The following YY1 variants were observed in gnomAD, a reference collection of about 807,000 sequenced individuals.
YY1 encodes the protein transcriptional repressor protein YY1.
A neutral mutation model predicts 35.6 loss-of-function variants in YY1; 2 were observed. The ratio of observed to expected loss-of-function variants is 0.06; its 90% CI spans 0.02 to 0.18. YY1 has a LOEUF of 0.18. Among genes scored for constraint, YY1 ranks in the 10% least tolerant of loss-of-function variants. YY1 has a pLI of 1.00. For synonymous variants in YY1, 268 were observed against 238.9 expected (o/e 1.12, Z -1.12); for missense variants, 322 against 573.4 (o/e 0.56, Z 4.48).
At chr14:100,272,859 C>G (rs1462092910) in intron 2 of YY1, among the ~76,000 whole-genome samples, 2 of 151,938 alleles carry the variant, frequency 1.3e-5, no homozygotes, top group East Asian at 1.9e-4. Flanking sequence ...ATCCTCATAG[C>G]TTAGTTCCCA....
intron 1 of YY1, among the ~76,000 whole-genome samples, chr14:100,251,899 A>G (rs897441529): frequency 1.2e-4 from 18 of 152,136 alleles, no homozygotes; most frequent in African/African-American, 1.9e-4. Context: ...AAGTGCTGGG[A>G]TTACAGGTGT....
chr14:100,255,875 A>G (rs530379097), intron 1 of YY1, among the ~76,000 whole-genome samples: 22 of 152,252 alleles, frequency 1.4e-4, no homozygotes, highest in African/African-American at 4.8e-4. Flanking sequence ...AGTCTTCCTC[A>G]TTCTCTTAAT....
chr14:100,271,173 G>A (rs1891232856), intron 2 of YY1, among the ~76,000 whole-genome samples: 1 of 152,108 alleles, frequency 6.6e-6, no homozygotes, highest in Non-Finnish European at 1.5e-5. Context: ...CATGAACCTG[G>A]GAGGCAGAGC....
chr14:100,264,576 G>GC (rs1325623445), intron 2 of YY1, among the ~76,000 whole-genome samples: 1 of 152,198 alleles, frequency 6.6e-6, no homozygotes, highest in African/African-American at 2.4e-5. Flanking sequence ...TAAGGGCGAT[G>GC]AATCCTAGGC....
intron 1 of YY1, among the ~76,000 whole-genome samples, chr14:100,261,613 A>G (rs181357520): frequency 1.2e-4 from 19 of 152,344 alleles, no homozygotes; most frequent in East Asian, 1.2e-3. Context: ...GAGGATGACA[A>G]AAATCACACA....
Position 100,282,751 on chromosome 14 carries a change from G to A in YY1, c.*5151G>A, listed in dbSNP as rs1595339147. 6.6e-6 allele frequency: 1 copy of A among 152,170 alleles called. No homozygotes were observed. Among genetic ancestry groups the A allele is most frequent in the Admixed American group, 6.5e-5 (1 of 15,272 alleles). The allele number at this position is 152,170 out of a possible 1,614,324, so 9.4% of individuals were successfully genotyped here. A position where few individuals can be genotyped will look rare whatever the true frequency, so the allele number is the denominator to read the frequency against. Reference sequence around the variant, plus strand: ...TGAAGCACCAAGCATGTGTAATATGGCTCTATACAATATAATAAATGCATA... The same window carrying A: ...TGAAGCACCAAGCATGTGTAATATGACTCTATACAATATAATAAATGCATA... On this transcript the variant is annotated 3_prime_UTR_variant, in exon 5 of 5. Coordinates refer to ENST00000262238, the MANE Select transcript of YY1 (RefSeq NM_003403.5).
intron 2 of YY1, among the ~76,000 whole-genome samples, chr14:100,268,458 C>A (rs1052284662): frequency 6.6e-6 from 1 of 152,142 alleles, no homozygotes; most frequent in African/African-American, 2.4e-5. Flanking sequence ...AAGTGACCAC[C>A]TTTGTATGTG....
At chr14:100,253,730 G>A (rs1890959228) in intron 1 of YY1, among the ~76,000 whole-genome samples, 2 of 151,774 alleles carry the variant, frequency 1.3e-5, no homozygotes, top group South Asian at 2.1e-4. Context: ...CGGGTGATCC[G>A]CCCACCTCAG....
At chr14:100,258,227 G>A (rs1342765007) in intron 1 of YY1, among the ~76,000 whole-genome samples, 4 of 152,194 alleles carry the variant, frequency 2.6e-5, no homozygotes, top group Admixed American at 2.6e-4. Context: ...TGATGTAGAA[G>A]TAGATGTGCC....
rs1169201571 is a variant in YY1, at chr14:100,239,755, C to G, written c.511C>G (p.Arg171Gly). Residue 171 changes from arginine to glycine, a missense_variant, in exon 1 of 5, where the codon CGC (arginine) becomes GGC (glycine). This residue lies in a region of YY1 where 152 missense variants were observed against 167.1 expected (regional missense o/e 0.91). Transcript: ENST00000262238. ...CGGCTCGTCGTCGTCGGGAGGCGGC[C>G]GCGTCAAGAAGGGCGGCGGCAAGAA... ...GGGSSSSGGG[R>G]VKKGGGKKSG... 6.3e-7 allele frequency: 1 copy of G among 1,581,168 alleles called. No individual in the cohort carries two copies. Among genetic ancestry groups the G allele is most frequent in the Non-Finnish European group, 8.6e-7 (1 of 1,168,292 alleles).
rs1255933664 is a variant in YY1 at position 100,239,156 on chromosome 14, T to G, written c.-89T>G. 3 of 1,217,590 alleles carry G rather than the reference T, an allele frequency of 2.5e-6. No individual in the cohort carries two copies. Among genetic ancestry groups the G allele is most frequent in the South Asian group, 2.5e-5 (1 of 40,416 alleles). 75.4% of individuals were successfully genotyped at this position (1,217,590 alleles called of 1,614,324 possible). On this transcript the variant is annotated 5_prime_UTR_variant, in exon 1 of 5. Coordinates refer to ENST00000262238, the MANE Select transcript of YY1 (RefSeq NM_003403.5). The stretch of plus-strand genomic sequence containing the variant: ...GCTCGCCGCCTTCCTCCCTCTGCCT[T>G]CCTTCCCCACGGCCGGCCGCCTCCT...
chr14:100,258,081 A>G (rs1891029175), intron 1 of YY1, among the ~76,000 whole-genome samples: 1 of 152,052 alleles, frequency 6.6e-6, no homozygotes, highest in South Asian at 2.1e-4. Flanking sequence ...GCAGTGAGCC[A>G]TGATTGCTCC....
At position 100,275,492 on chromosome 14, in the gene YY1, G is replaced by A. The variant is rs527262356; in HGVS notation, c.903+734G>A. Among the ~76,000 whole-genome samples the A allele has an allele frequency of 4.6e-5, 7 of 152,148 alleles. No individual in the cohort carries two copies. In the South Asian group the frequency reaches 8.3e-4, roughly 18 times the overall value. Reference sequence around the variant, plus strand: ...ATGTAAACGTATCTCCATTAGGGCCGAAATAACAAGCATTTGAAAACAGTT... The same window carrying A: ...ATGTAAACGTATCTCCATTAGGGCCAAAATAACAAGCATTTGAAAACAGTT... On this transcript the variant is annotated intron_variant, in intron 3 of 4. Transcript: ENST00000262238.
At chr14:100,265,872 C>G (rs1226355863) in intron 2 of YY1, among the ~76,000 whole-genome samples, 2 of 152,062 alleles carry the variant, frequency 1.3e-5, no homozygotes, top group African/African-American at 4.8e-5. Context: ...TGGTCTTGAA[C>G]TCCTAACCTC....
chr14:100,255,100 CTATTTTCTTA>C (rs1310978451), intron 1 of YY1, among the ~76,000 whole-genome samples: 2 of 151,396 alleles, frequency 1.3e-5, no homozygotes, highest in East Asian at 1.9e-4. Flanking sequence ...CCCAGCCAGC[CTATTTTCTTA>C]TATTTTCTTG....
Position 100,261,037 on chromosome 14 carries a change from T to A in YY1, c.680-1267T>A, listed in dbSNP as rs543179466. On this transcript the variant is annotated intron_variant, in intron 1 of 4. Transcript: ENST00000262238. ...TCTAGGAACTTCTGGGCTTAAGTGATCCTCCTGTCTTGATCTCCCAGAGTG... is the reference window on the plus strand; with the variant it reads ...TCTAGGAACTTCTGGGCTTAAGTGAACCTCCTGTCTTGATCTCCCAGAGTG... 5.3e-5 allele frequency among the ~76,000 whole-genome samples: 8 copies of A among 151,576 alleles called. No individual in the cohort carries two copies. The East Asian group carries it at 1.4e-3, about 26-fold the overall frequency.
Position 100,281,060 on chromosome 14 carries a change from C to CAAAAAAAAAAAAAAAAAA in YY1, c.*3460_*3461insAAAAAAAAAAAAAAAAAA, listed in dbSNP as rs775439859. 4.2e-5 allele frequency: 2 copies of CAAAAAAAAAAAAAAAAAA among 47,776 alleles called. 1 individual carries two copies. The highest frequency in any genetic ancestry group is 6.2e-4 in the Admixed American group (2 of 3,250). The allele number at this position is 47,776 out of a possible 1,614,324, so 3.0% of individuals were successfully genotyped here. A position where few individuals can be genotyped will look rare whatever the true frequency, so the allele number is the denominator to read the frequency against. ...GGGTGACAGAGCAAGACTCCGTCTC[C>CAAAAAAAAAAAAAAAAAA]CAAAAAAAAAAAAAAAAAAAAAAAA... On this transcript the variant is annotated 3_prime_UTR_variant, in exon 5 of 5. Transcript: ENST00000262238.
At chr14:100,240,674 A>G (rs1310680590) in intron 1 of YY1, among the ~76,000 whole-genome samples, 3 of 152,232 alleles carry the variant, frequency 2.0e-5, no homozygotes, top group Admixed American at 6.5e-5. Flanking sequence ...TCCGAGCGTC[A>G]GTCGGAGCCT....
chr14:100,250,716 A>T (rs140955830), intron 1 of YY1, among the ~76,000 whole-genome samples: 1 of 152,120 alleles, frequency 6.6e-6, no homozygotes, highest in Non-Finnish European at 1.5e-5. Flanking sequence ...AGAGATGCCT[A>T]AAAAATGTAT....
Sources: allele counts gnomAD v4.1 joint callset (sites outside exome capture counted in the v4.1 genomes callset), GRCh38; gene constraint gnomAD v4.1.1; regional missense constraint gnomAD v4.1.1; transcripts MANE v1.5; gene names NCBI Gene and HGNC (gene_info 2026-07-23, HGNC 2026-07-21).